The following ALG9 variants were observed in gnomAD, a reference collection of about 807,000 sequenced individuals.
The protein encoded by ALG9 is ALG9 alpha-1,2-mannosyltransferase, also known as alpha-1,2-mannosyltransferase ALG9.
In ALG9, 55 loss-of-function variants were observed where a neutral mutation model predicts 81.8. The ratio of observed to expected loss-of-function variants is 0.67; its 90% CI spans 0.54 to 0.84. ALG9 has a LOEUF of 0.84. Ranked by LOEUF, ALG9 falls within the 40% of genes least tolerant of loss-of-function variation. The pLI is 0.00. For missense variants in ALG9, 629 were observed against 745.0 expected (o/e 0.84, Z 1.81); for synonymous variants, 278 against 274.3 (o/e 1.01, Z -0.13).
intron 4 of ALG9, among the ~76,000 whole-genome samples, chr11:111,861,237 C>T (rs1010085665): frequency 6.6e-6 from 1 of 152,134 alleles, no homozygotes; most frequent in African/African-American, 2.4e-5. Context: ...GTGTGAACCC[C>T]ACAAATTAAA....
intron 13 of ALG9, among the ~76,000 whole-genome samples, chr11:111,831,160 C>A (rs1555113191): frequency 6.6e-6 from 1 of 152,156 alleles, no homozygotes; most frequent in African/African-American, 2.4e-5. Flanking sequence ...CCTGCCTCAG[C>A]CTCCTAAGTA....
chr11:111,866,920 C>T (rs1555153680), intron 3 of ALG9, among the ~76,000 whole-genome samples: 1 of 152,074 alleles, frequency 6.6e-6, no homozygotes. Context: ...TGGTGAAACC[C>T]TGTCTCTACT....
chr11:111,808,350 C>T (rs1950227086), intron 14 of ALG9, among the ~76,000 whole-genome samples: 1 of 152,188 alleles, frequency 6.6e-6, no homozygotes, highest in South Asian at 2.1e-4. Context: ...CCTGCCTGGG[C>T]ACCTGCAGCT....
chr11:111,788,043 G>A (rs1409452367), intron 14 of ALG9, among the ~76,000 whole-genome samples: 4 of 152,184 alleles, frequency 2.6e-5, no homozygotes, highest in African/African-American at 9.7e-5. Flanking sequence ...TCTGTATGGA[G>A]TATTACTTCC....
chr11:111,869,368 AG>A (rs1963537631), intron 2 of ALG9, among the ~76,000 whole-genome samples: 1 of 152,202 alleles, frequency 6.6e-6, no homozygotes, highest in African/African-American at 2.4e-5. Flanking sequence ...CTATAATAAA[AG>A]TCAACAGGTA....
At chr11:111,842,133 G>C (rs987487730) in intron 9 of ALG9, among the ~76,000 whole-genome samples, 1 of 152,140 alleles carries the variant, frequency 6.6e-6, no homozygotes, top group Non-Finnish European at 1.5e-5. Flanking sequence ...CTGACCTCAG[G>C]TGATCCACCC....
At chr11:111,812,720 C>CA (rs1352747301) in intron 13 of ALG9, among the ~76,000 whole-genome samples, 97 of 151,810 alleles carry the variant, frequency 6.4e-4, no homozygotes, top group Non-Finnish European at 1.6e-4. Flanking sequence ...AGTTTGAGAC[C>CA]AGCCTGGCCA....
rs113313712 is a variant in ALG9, at chr11:111,817,034, A to G, written c.1603-7261T>C. On this transcript the variant is annotated intron_variant, in intron 13 of 14. Transcript: ENST00000616540. The stretch of plus-strand genomic sequence containing the variant: ...AAGTTAAAGAGAAAACAGAGGGAAA[A>G]AGACATAAAGGAGCATGGTTGACAG... 6.4e-3 allele frequency among the ~76,000 whole-genome samples: 974 copies of G among 152,304 alleles called. 10 individuals are homozygous for G. Among genetic ancestry groups the G allele is most frequent in the African/African-American group, 0.022 (908 of 41,566 alleles).
chr11:111,846,801 C>T (rs1957013219), intron 8 of ALG9, among the ~76,000 whole-genome samples: 2 of 152,150 alleles, frequency 1.3e-5, no homozygotes, highest in Non-Finnish European at 2.9e-5. Context: ...AAACTTTTAT[C>T]TCTTTTCAGG....
At chr11:111,791,528 T>C (rs1034586509) in intron 14 of ALG9, among the ~76,000 whole-genome samples, 1 of 152,228 alleles carries the variant, frequency 6.6e-6, no homozygotes, top group East Asian at 1.9e-4. Flanking sequence ...CAGCAGCAAC[T>C]AGAGGTGGGC....
Position 111,782,443 on chromosome 11 carries a change from G to A in ALG9, c.*3954C>T, listed in dbSNP as rs1012573216. On this transcript the variant is annotated 3_prime_UTR_variant, in exon 15 of 15. Transcript: ENST00000616540. ...CCTCTGAAATCCAACGATGCCATAC[G>A]GAAGTCTGATCTTTCTGTTGCAAAA... The A allele has an allele frequency of 2.7e-5, 4 of 150,802 alleles. No homozygotes were observed. Among genetic ancestry groups the A allele is most frequent in the Non-Finnish European group, 4.4e-5 (3 of 68,014 alleles). 9.3% of individuals were successfully genotyped at this position (150,802 alleles called of 1,614,324 possible).
chr11:111,860,983 G>A (rs563522575), intron 4 of ALG9, among the ~76,000 whole-genome samples: 18 of 152,292 alleles, frequency 1.2e-4, no homozygotes, highest in African/African-American at 3.8e-4. Context: ...CCCTACTCTG[G>A]TTGAATAATG....
intron 8 of ALG9, among the ~76,000 whole-genome samples, chr11:111,852,545 CTT>C (rs1957992576): frequency 6.6e-6 from 1 of 152,154 alleles, no homozygotes. Flanking sequence ...ATCGCTGTAA[CTT>C]TGTCTACAGA....
chr11:111,828,787 TC>T (rs1953821673), intron 13 of ALG9: 1 of 152,166 alleles, frequency 6.6e-6, no homozygotes, highest in African/African-American at 2.4e-5. Flanking sequence ...TTATTTTTTT[TC>T]CATGATGAAA....
At chr11:111,796,540 A>G (rs567313966) in intron 14 of ALG9, among the ~76,000 whole-genome samples, 57 of 152,360 alleles carry the variant, frequency 3.7e-4, no homozygotes, top group African/African-American at 1.3e-3. Flanking sequence ...TATTCTTCTT[A>G]AAATGTCAGC....
chr11:111,860,624 T>G lies in ALG9; in HGVS notation c.488A>C (p.Lys163Thr). The G allele has an allele frequency of 1.2e-6, 2 of 1,613,576 alleles. No individual in the cohort carries two copies. Among genetic ancestry groups the G allele is most frequent in the Non-Finnish European group, 1.7e-6 (2 of 1,179,720 alleles). The change falls in exon 5 of 15, where the codon AAG becomes ACG. Residue 163 changes from lysine to threonine, a missense_variant. This residue lies in a region of ALG9 where 344 missense variants were observed against 390.5 expected (regional missense o/e 0.88). Transcript: ENST00000616540. ...TCGACTCACGTGCAACCCAAACTTC[T>G]TGCACACAGCCCTAGGAAAAAGGCA... ...CELYFYKAVC[K>T]KFGLHVSRMM...
chr11:111,808,852 C>T (rs1306695104), intron 14 of ALG9, among the ~76,000 whole-genome samples: 4 of 152,224 alleles, frequency 2.6e-5, no homozygotes. Flanking sequence ...ACTCCCTTAT[C>T]TGAATGCCTG....
chr11:111,868,991 GC>G (rs1963413574), intron 2 of ALG9, among the ~76,000 whole-genome samples: 1 of 152,004 alleles, frequency 6.6e-6, no homozygotes. Flanking sequence ...GTATGGTGGT[GC>G]ATGCCTGCAG....
At chr11:111,860,451 G>C (rs1959685363) in intron 5 of ALG9, 96 bp downstream of exon 5, 1 of 1,013,482 alleles carries the variant, frequency 9.9e-7, no homozygotes, top group South Asian at 1.3e-5. Flanking sequence ...TCCTTTAAAT[G>C]CAACTGTGAA....
Sources: allele counts gnomAD v4.1 joint callset (sites outside exome capture counted in the v4.1 genomes callset), GRCh38; gene constraint gnomAD v4.1.1; regional missense constraint gnomAD v4.1.1; transcripts MANE v1.5; gene names NCBI Gene and HGNC (gene_info 2026-07-23, HGNC 2026-07-21).